The following NBPF9 variants were observed in gnomAD, a reference collection of about 807,000 sequenced individuals.
NBPF9 encodes NBPF member 9, also known as NBPF family member NBPF9.
A neutral mutation model predicts 97.8 loss-of-function variants in NBPF9; 91 were observed. That is an observed-to-expected ratio of 0.93 (90% CI 0.79 to 1.11). NBPF9 has a LOEUF of 1.11. NBPF9 is among the 50% of genes least tolerant of loss of function. NBPF9 has a pLI of 0.00. For synonymous variants in NBPF9, 334 were observed against 359.5 expected, an observed-to-expected ratio of 0.93 and a Z score of 0.80; for missense variants, 992 against 939.5, an observed-to-expected ratio of 1.06 and a Z score of -0.73.
At chr1:149,061,962 C>G (rs587644137) in intron 22 of NBPF9, 131 bp downstream of exon 22, 1 of 565,940 alleles carries the variant, frequency 1.8e-6, no homozygotes, top group Non-Finnish European at 3.2e-6. Flanking sequence ...TCATTACAAC[C>G]TATATGCGCC....
chr1:149,064,030 A>C (rs1214320650), intron 19 of NBPF9, among the ~76,000 whole-genome samples: 13 of 124,714 alleles, frequency 1.0e-4, no homozygotes, highest in African/African-American at 3.3e-4. Flanking sequence ...ACACACACAC[A>C]CACACACAGA....
intron 14 of NBPF9, 83 bp downstream of exon 14, chr1:149,072,635 C>T: frequency 1.3e-6 from 2 of 1,520,046 alleles, no homozygotes; most frequent in African/African-American, 1.4e-5. Flanking sequence ...ACCATTGATA[C>T]AACTGTCATT....
chr1:149,052,310 T>C (rs1398537205), downstream of NBPF9, among the ~76,000 whole-genome samples: 2 of 151,878 alleles, frequency 1.3e-5, no homozygotes, highest in Admixed American at 1.3e-4. Context: ...AAGCTGCAGT[T>C]TGGGAGAAAA....
exon 22 of NBPF9, chr1:149,062,185 C>A (rs878930420): frequency 4.2e-6 from 4 of 944,128 alleles, no homozygotes; most frequent in East Asian, 2.4e-5. Flanking sequence ...TTCAAGATAA[C>A]CTGAAGGAGT....
intron 5 of NBPF9, among the ~76,000 whole-genome samples, chr1:149,088,002 T>A (rs1420034206): frequency 6.6e-6 from 1 of 151,336 alleles, no homozygotes; most frequent in Non-Finnish European, 1.5e-5. Context: ...TAGCTAATTT[T>A]TTGTATTTTT....
intron 12 of NBPF9, among the ~76,000 whole-genome samples, chr1:149,075,046 A>G (rs1382447472): frequency 1.3e-5 from 2 of 151,282 alleles, no homozygotes; most frequent in South Asian, 2.1e-4. Context: ...TCCTGACCTC[A>G]TGATCTGCCC....
intron 13 of NBPF9, among the ~76,000 whole-genome samples, chr1:149,073,252 T>C (rs1392654309): frequency 0.021 from 3,106 of 145,822 alleles, 119 homozygotes; most frequent in Non-Finnish European, 0.033. Context: ...GACATTTCCA[T>C]GTGAAAATAC....
exon 30 of NBPF9, chr1:149,055,874 C>G (rs1553648737): frequency 6.2e-7 from 1 of 1,610,644 alleles, no homozygotes; most frequent in Non-Finnish European, 8.5e-7. Flanking sequence ...TCAGGCTCTT[C>G]CACTTCCATC....
chr1:149,087,261 T>C (rs1285178794), intron 5 of NBPF9, among the ~76,000 whole-genome samples: 3 of 149,170 alleles, frequency 2.0e-5, no homozygotes, highest in African/African-American at 7.4e-5. Flanking sequence ...TGTGTGTGTG[T>C]GTGTCTGTAT....
chr1:149,059,187 G>T, intron 25 of NBPF9, 90 bp from the exon 26 acceptor site: 1 of 426,364 alleles, frequency 2.3e-6, no homozygotes, highest in East Asian at 3.0e-5. Flanking sequence ...ATAAGGAACT[G>T]TTTAAAAAGA....
chr1:149,062,742 G>T (rs3871944), intron 21 of NBPF9, 120 bp downstream of exon 21: 160 of 767,064 alleles, frequency 2.1e-4, no homozygotes, highest in East Asian at 2.0e-3. Flanking sequence ...AACAGCAATG[G>T]CAGTAGGAGT....
chr1:149,089,341 GGAAGA>G (rs1259698183), intron 5 of NBPF9, among the ~76,000 whole-genome samples: 1 of 151,956 alleles, frequency 6.6e-6, no homozygotes, highest in Non-Finnish European at 1.5e-5. Context: ...TTGGGGCTGT[GGAAGA>G]GTGGCCACTG....
In NBPF9 at chr1:149,062,966, A is replaced by C. The variant is rs587623300; in HGVS notation, c.2027-53T>G. Reference sequence around the variant, plus strand: ...ATATTAAGCTGGTTCTCCTACACACATAACAATCCACTGTCTAATCCTCAC... The same window carrying C: ...ATATTAAGCTGGTTCTCCTACACACCTAACAATCCACTGTCTAATCCTCAC... On this transcript the variant is annotated intron_variant, in intron 20 of 29. Coordinates refer to ENST00000584027, the Ensembl canonical transcript of NBPF9. The C allele has an allele frequency of 1.1e-4, 82 of 751,448 alleles. No individual in the cohort carries two copies. In the African/African-American group the frequency reaches 1.2e-3, roughly 11 times the overall value. The allele number at this position is 751,448 out of a possible 1,614,324, so 46.5% of individuals were successfully genotyped here.
At chr1:149,054,751 A>G (rs1553648317) in exon 30 of NBPF9, 1 of 151,000 alleles carries the variant, frequency 6.6e-6, no homozygotes, top group Non-Finnish European at 1.5e-5. Context: ...CAGCTACATT[A>G]TCTTTTTACT....
chr1:149,060,966 A>C, intron 23 of NBPF9: 2 of 379,878 alleles, frequency 5.3e-6, no homozygotes, highest in Non-Finnish European at 4.8e-6. Context: ...AATTGTCCAG[A>C]TGACACACTG....
At chr1:149,077,795 G>T (rs1553248000) in intron 10 of NBPF9, 88 bp downstream of exon 10, 16 of 1,566,292 alleles carry the variant, frequency 1.0e-5, no homozygotes. Context: ...GCGGGCTTTT[G>T]GCCCACCATA....
chr1:149,056,082 T>G (rs1316417187), intron 29 of NBPF9, among the ~76,000 whole-genome samples, 183 bp from the exon 30 acceptor site: 4 of 150,458 alleles, frequency 2.7e-5, no homozygotes, highest in Non-Finnish European at 5.9e-5. Flanking sequence ...TAGAAAACAA[T>G]GAAAGAGAAA....
At chr1:149,075,115 T>A (rs1441353171) in intron 12 of NBPF9, among the ~76,000 whole-genome samples, 4 of 151,392 alleles carry the variant, frequency 2.6e-5, no homozygotes, top group African/African-American at 9.7e-5. Context: ...TGGCCCCTAC[T>A]CCCTGCTCTT....
At chr1:149,071,466 T>G (rs1223894370) in intron 15 of NBPF9, 138 bp downstream of exon 15, 1 of 1,173,252 alleles carries the variant, frequency 8.5e-7, no homozygotes, top group Non-Finnish European at 1.3e-6. Context: ...ACCCTGTGTC[T>G]AAGCTGGGTT....
Sources: allele counts gnomAD v4.1 joint callset (sites outside exome capture counted in the v4.1 genomes callset), GRCh38; gene constraint gnomAD v4.1.1; transcripts MANE v1.5; gene names NCBI Gene and HGNC (gene_info 2026-07-23, HGNC 2026-07-21).